STRA6: variants seen among roughly 807,000 people sequenced by gnomAD.
STRA6 encodes signaling receptor and transporter of retinol STRA6.
In STRA6, 48 loss-of-function variants were observed where a neutral mutation model predicts 83.6. That is an observed-to-expected ratio of 0.57 (90% CI 0.46 to 0.73). The LOEUF is 0.73. STRA6 is among the 30% of genes least tolerant of loss of function. STRA6 has a pLI of 0.00. For synonymous variants in STRA6, 353 were observed against 362.3 expected (o/e 0.97, Z 0.29); for missense variants, 760 against 838.8 (o/e 0.91, Z 1.16).
chr15:74,182,110 CGAA>C, intron 16 of STRA6, 48 bp downstream of exon 16: 2 of 1,502,462 alleles, frequency 1.3e-6, no homozygotes, highest in Non-Finnish European at 1.9e-6. Context: ...AGAGAGACAC[CGAA>C]GAAGAGGCGA....
chr15:74,209,502 AGT>A (rs2074336486), upstream of STRA6: 7 of 1,464,004 alleles, frequency 4.8e-6, no homozygotes, highest in African/African-American at 9.8e-5. Context: ...AGCTAAGGGG[AGT>A]CATCACAGGG....
At chr15:74,184,580 C>T (rs2073151247) in intron 13 of STRA6, among the ~76,000 whole-genome samples, 1 of 152,222 alleles carries the variant, frequency 6.6e-6, no homozygotes, top group Admixed American at 6.5e-5. Context: ...TACACTCTCA[C>T]ATGGCAGGGC....
upstream of STRA6, chr15:74,202,806 G>A: frequency 9.0e-7 from 1 of 1,110,586 alleles, no homozygotes; most frequent in Non-Finnish European, 1.1e-6. Context: ...CCTCCCAGCT[G>A]GGCTCCCTTG....
At chr15:74,195,768 T>C in intron 5 of STRA6, 93 bp from the exon 6 acceptor site, 1 of 878,372 alleles carries the variant, frequency 1.1e-6, no homozygotes. Flanking sequence ...AAATACTCAA[T>C]TTAAGATACT....
At chr15:74,197,846 G>T in intron 2 of STRA6, 28 bp from the exon 3 acceptor site, 2 of 1,610,424 alleles carry the variant, frequency 1.2e-6, no homozygotes. Context: ...GCTGGCTCAG[G>T]CCTGCGTCAG....
At chr15:74,208,731 A>T in intron 1 of STRA6, 2 of 987,580 alleles carry the variant, frequency 2.0e-6, no homozygotes, top group Non-Finnish European at 2.4e-6. Context: ...CGCACACCCC[A>T]TGTGCCTTCT....
At chr15:74,183,644 C>A in intron 14 of STRA6, 1 of 1,452,990 alleles carries the variant, frequency 6.9e-7, no homozygotes, top group Non-Finnish European at 9.1e-7. Context: ...AGGGTACACA[C>A]TCAATTTCCC....
chr15:74,191,337 TG>T (rs1567187713), intron 9 of STRA6, 86 bp downstream of exon 9: 2 of 1,607,316 alleles, frequency 1.2e-6, no homozygotes, highest in Non-Finnish European at 1.7e-6. Flanking sequence ...CCTCTGCCCC[TG>T]CCATGCTGCC....
Position 74,180,131 on chromosome 15 carries a change from C to T in STRA6, c.1953G>A (p.Leu651=). 1.2e-6 allele frequency: 2 copies of T among 1,613,730 alleles called. No individual in the cohort carries two copies. The highest frequency in any genetic ancestry group is 2.2e-5 in the East Asian group (1 of 44,860). ...LAYTLLHNPT[L]QVFRKTALLG... ...ACAGGGCCGTCTTGCGGAAGACCTG[C>T]AGGGTTGGGTTGTGCAGCAGCGTGT... Residue 651 remains leucine (L), a synonymous_variant, in exon 19 of 19, where the codon CTG becomes CTA. Coordinates refer to ENST00000395105, the MANE Select transcript of STRA6 (RefSeq NM_022369.4).
intron 13 of STRA6, among the ~76,000 whole-genome samples, chr15:74,184,500 G>T (rs1567180727): frequency 6.6e-6 from 1 of 152,156 alleles, no homozygotes; most frequent in African/African-American, 2.4e-5. Flanking sequence ...CCGCTGCAGG[G>T]CAAGCAAGGT....
chr15:74,202,437 GC>G (rs1210992430), intron 1 of STRA6, 155 bp from the exon 2 acceptor site: 3 of 1,536,522 alleles, frequency 2.0e-6, no homozygotes, highest in Non-Finnish European at 2.6e-6. Context: ...TCTGGGAAAA[GC>G]CCGTCTGGGA....
chr15:74,203,128 G>A, upstream of STRA6: 1 of 985,588 alleles, frequency 1.0e-6, no homozygotes, highest in Non-Finnish European at 1.2e-6. Context: ...CTGGGCTGGG[G>A]CGGAGGCAGG....
chr15:74,208,789 C>T, intron 1 of STRA6: 1 of 988,838 alleles, frequency 1.0e-6, no homozygotes, highest in Non-Finnish European at 1.2e-6. Flanking sequence ...CCAGACTTGG[C>T]TCCAGCCTAC....
At position 74,188,296 on chromosome 15, in the gene STRA6, C is replaced by T. The variant is rs1239978223; in HGVS notation, c.1090+819G>A. The stretch of plus-strand genomic sequence containing the variant: ...CTCCACCTGCAACGCTGGCAGCCCA[C>T]GCTCTGACCACATGTTACTCCTCAG... On this transcript the variant is annotated intron_variant, in intron 12 of 18. Transcript: ENST00000395105. This position sits in a 1 kb window ranked among gnomAD's most constrained non-coding sequence, Gnocchi z 4.5. 2.6e-5 allele frequency among the ~76,000 whole-genome samples: 4 copies of T among 152,256 alleles called. No homozygotes were observed. In the East Asian group the frequency reaches 5.8e-4, roughly 22 times the overall value.
upstream of STRA6, chr15:74,202,868 T>G: frequency 9.8e-7 from 1 of 1,023,342 alleles, no homozygotes; most frequent in Non-Finnish European, 1.2e-6. Context: ...TGGGCCTCGG[T>G]GATGGAAATA....
At chr15:74,195,770 T>A (rs2073785463) in intron 5 of STRA6, 95 bp from the exon 6 acceptor site, 5 of 879,564 alleles carry the variant, frequency 5.7e-6, no homozygotes, top group Non-Finnish European at 8.9e-6. Context: ...ATACTCAATT[T>A]AAGATACTAC....
rs190822940 is a variant in STRA6 at position 74,194,608 on chromosome 15, G to A, written c.598-686C>T. Reference sequence around the variant, plus strand: ...TACCACCTGGCATCATTTTGTTTGCGTGTCATGTCTGCCCTTCTGAAGTGA... The same window carrying A: ...TACCACCTGGCATCATTTTGTTTGCATGTCATGTCTGCCCTTCTGAAGTGA... On this transcript the variant is annotated intron_variant, in intron 7 of 18. Transcript: ENST00000395105. 6 of 554,980 alleles carry A rather than the reference G, an allele frequency of 1.1e-5. 1 individual carries two copies. The Admixed American group carries it at 1.2e-4, about 11-fold the overall frequency. The allele number at this position is 554,980 out of a possible 1,614,324, so 34.4% of individuals were successfully genotyped here.
At chr15:74,180,966 G>C (rs1034311897) in intron 17 of STRA6, 29 bp from the exon 18 acceptor site, 1 of 1,611,932 alleles carries the variant, frequency 6.2e-7, no homozygotes, top group African/African-American at 1.3e-5. Context: ...TGGCAATGCT[G>C]GGGGAGCAGG....
chr15:74,203,933 C>T (rs904019207), upstream of STRA6, among the ~76,000 whole-genome samples: 3 of 152,138 alleles, frequency 2.0e-5, no homozygotes, highest in African/African-American at 7.2e-5. Flanking sequence ...AAGTGTGTTC[C>T]CCACAGAGGA....
Sources: gnomAD v4.1 joint callset for allele counts (sites outside exome capture counted in the v4.1 genomes callset) on GRCh38, gnomAD v4.1.1 for gene constraint, Gnocchi (gnomAD v3.1) non-coding constraint, MANE v1.5 for transcripts, NCBI Gene and HGNC (gene_info 2026-07-23, HGNC 2026-07-21) for gene names.